Variants in CEP170 observed in about 807,000 individuals in gnomAD.
CEP170 encodes the protein centrosomal protein of 170 kDa.
CEP170 carries 21 observed loss-of-function variants against 151.9 expected under a neutral mutation model. That is an observed-to-expected ratio of 0.14 (90% CI 0.10 to 0.20). The LOEUF is 0.20. Ranked by LOEUF, CEP170 falls within the 10% of genes least tolerant of loss-of-function variation. CEP170 has a pLI of 1.00. For missense variants in CEP170, 964 were observed against 1,892.9 expected (o/e 0.51, Z 9.11); for synonymous variants, 356 against 648.8 (o/e 0.55, Z 6.86).
intron 1 of CEP170, among the ~76,000 whole-genome samples, chr1:243,233,223 G>A (rs1022572555): frequency 2.0e-5 from 3 of 152,068 alleles, no homozygotes; most frequent in African/African-American, 7.2e-5. Flanking sequence ...CATTTACATG[G>A]AACTATCATT....
chr1:243,234,337 A>T (rs903419592), intron 1 of CEP170, among the ~76,000 whole-genome samples: 2 of 152,248 alleles, frequency 1.3e-5, no homozygotes, highest in African/African-American at 4.8e-5. Context: ...ACCAACAGGC[A>T]TGAAAGGGTG....
chr1:243,224,718 A>G (rs779658686), intron 2 of CEP170, among the ~76,000 whole-genome samples: 3 of 152,194 alleles, frequency 2.0e-5, no homozygotes, highest in Non-Finnish European at 4.4e-5. Flanking sequence ...ACATAACATC[A>G]CGTTGTATAC....
chr1:243,189,552 T>A (rs1160311101), intron 8 of CEP170, among the ~76,000 whole-genome samples: 1 of 133,318 alleles, frequency 7.5e-6, no homozygotes. Context: ...CGAGACTCTG[T>A]CTCCAAAAAA....
intron 1 of CEP170, among the ~76,000 whole-genome samples, chr1:243,245,721 C>T (rs2065312598): frequency 6.6e-6 from 1 of 150,460 alleles, no homozygotes; most frequent in Non-Finnish European, 1.5e-5. Flanking sequence ...CTCAAGAAAA[C>T]AAAACAAACA....
At chr1:243,149,830 T>C (rs2056891525) in intron 14 of CEP170, among the ~76,000 whole-genome samples, 1 of 152,066 alleles carries the variant, frequency 6.6e-6, no homozygotes, top group Non-Finnish European at 1.5e-5. Context: ...ACAACTAAAT[T>C]AAATTGGTTC....
In CEP170 at chr1:243,164,820, T is replaced by G; in HGVS notation, c.3140A>C (p.Tyr1047Ser). The G allele has an allele frequency of 6.2e-7, 1 of 1,611,988 alleles. No homozygotes were observed. Among genetic ancestry groups the G allele is most frequent in the Non-Finnish European group, 8.5e-7 (1 of 1,178,696 alleles). ...AGTCCGTCCATGAGGTTTACAAGAG[T>G]AAGTTTCTTGATCAGATGACATAAT... ...SDIMSSDQETYSCKPHGRTPL... is the reference protein window; with the variant it reads ...SDIMSSDQETSSCKPHGRTPL... Residue 1047 changes from tyrosine (Y) to serine (S), a missense_variant, in exon 13 of 20, where the codon TAC (tyrosine) becomes TCC (serine). Tyr to Ser is a moderately radical substitution (Grantham distance 144). Coordinates refer to ENST00000366542, the MANE Select transcript of CEP170 (RefSeq NM_014812.3).
At chr1:243,195,589 G>A (rs1466023855) in intron 7 of CEP170, among the ~76,000 whole-genome samples, 2 of 151,564 alleles carry the variant, frequency 1.3e-5, no homozygotes, top group African/African-American at 4.8e-5. Flanking sequence ...AATTAATAAC[G>A]AAGAAGCAAA....
At chr1:243,179,615 G>A (rs2059488113) in intron 10 of CEP170, among the ~76,000 whole-genome samples, 1 of 152,064 alleles carries the variant, frequency 6.6e-6, no homozygotes, top group African/African-American at 2.4e-5. Flanking sequence ...GTGGGGGCAT[G>A]GTTGGATTTA....
intron 1 of CEP170, among the ~76,000 whole-genome samples, 197 bp from the exon 2 acceptor site, chr1:243,225,518 G>C (rs1214074148): frequency 1.3e-5 from 2 of 152,134 alleles, no homozygotes; most frequent in East Asian, 1.9e-4. Context: ...AATCCACTAA[G>C]AGTCCAGTTA....
At chr1:243,240,617 A>T (rs2064734759) in intron 1 of CEP170, among the ~76,000 whole-genome samples, 1 of 139,450 alleles carries the variant, frequency 7.2e-6, no homozygotes, top group Non-Finnish European at 1.5e-5. Flanking sequence ...GTAACTGGTA[A>T]GGTATGGGTA....
intron 3 of CEP170, among the ~76,000 whole-genome samples, chr1:243,213,798 G>A (rs2062022408): frequency 6.6e-6 from 1 of 152,022 alleles, no homozygotes; most frequent in African/African-American, 2.4e-5. Context: ...CTGAAGCCTC[G>A]ACCTCCCAGG....
intron 1 of CEP170, among the ~76,000 whole-genome samples, chr1:243,242,808 C>T (rs1448716972): frequency 6.6e-6 from 1 of 152,152 alleles, no homozygotes; most frequent in Non-Finnish European, 1.5e-5. Flanking sequence ...TCAAGCAATT[C>T]TCCTACCTCA....
intron 1 of CEP170, among the ~76,000 whole-genome samples, chr1:243,234,058 T>C (rs916680943): frequency 6.6e-5 from 10 of 152,146 alleles, no homozygotes; most frequent in African/African-American, 2.4e-4. Flanking sequence ...AGTCTATCCT[T>C]ATGGTCTGGC....
At chr1:243,177,686 G>C (rs1572059835) in intron 10 of CEP170, among the ~76,000 whole-genome samples, 2 of 152,000 alleles carry the variant, frequency 1.3e-5, no homozygotes, top group South Asian at 4.1e-4. Context: ...TTTAAGAGGG[G>C]AATTTATTTT....
intron 10 of CEP170, among the ~76,000 whole-genome samples, chr1:243,179,031 T>C (rs2059447080): frequency 6.6e-6 from 1 of 152,148 alleles, no homozygotes; most frequent in African/African-American, 2.4e-5. Context: ...TCTTCTTCCT[T>C]TGCTCTCCTG....
intron 3 of CEP170, among the ~76,000 whole-genome samples, chr1:243,213,107 ATTC>A (rs888958561): frequency 6.6e-6 from 1 of 152,062 alleles, no homozygotes; most frequent in Non-Finnish European, 1.5e-5. Flanking sequence ...GGTATTTCAT[ATTC>A]TTTTTTTTTT....
At chr1:243,161,794 T>C (rs553939746) in intron 13 of CEP170, among the ~76,000 whole-genome samples, 1 of 152,344 alleles carries the variant, frequency 6.6e-6, no homozygotes, top group South Asian at 2.1e-4. Context: ...TCGGCATGAT[T>C]TAACATTCTT....
chr1:243,167,267 T>C (rs2058508429), intron 12 of CEP170, among the ~76,000 whole-genome samples: 1 of 151,998 alleles, frequency 6.6e-6, no homozygotes, highest in African/African-American at 2.4e-5. Flanking sequence ...TTAACAACAT[T>C]TTAAAAAAAT....
intron 7 of CEP170, among the ~76,000 whole-genome samples, chr1:243,197,721 T>C (rs1419621402): frequency 6.6e-6 from 1 of 152,104 alleles, no homozygotes; most frequent in South Asian, 2.1e-4. Flanking sequence ...GATGACGACA[T>C]TGTTGAGATG....
Sources: gnomAD v4.1 joint callset for allele counts (sites outside exome capture counted in the v4.1 genomes callset) on GRCh38, gnomAD v4.1.1 for gene constraint, MANE v1.5 for transcripts, NCBI Gene and HGNC (gene_info 2026-07-23, HGNC 2026-07-21) for gene names.